Variants in CYP2J2 observed in about 807,000 individuals in gnomAD.
CYP2J2 encodes the protein cytochrome P450 2J2.
Under a neutral mutation model 48.8 loss-of-function variants are expected in CYP2J2, and 41 were observed. The ratio of observed to expected loss-of-function variants is 0.84; its 90% CI spans 0.66 to 1.09. The LOEUF is 1.09. Among genes scored for constraint, CYP2J2 ranks in the 50% least tolerant of loss-of-function variants. The pLI is 0.00. For synonymous variants in CYP2J2, 221 were observed against 227.1 expected (o/e 0.97, Z 0.24); for missense variants, 644 against 617.3 (o/e 1.04, Z -0.46).
At chr1:59,952,722 G>A in the CYP2J2 span, among the ~76,000 whole-genome samples, 1 of 152,250 alleles carries the variant, frequency 6.6e-6, no homozygotes, top group African/African-American at 2.4e-5. Context: ...TAAACTGGGA[G>A]TCATCATTTA....
At chr1:59,944,644 C>T in the CYP2J2 span, among the ~76,000 whole-genome samples, 1 of 152,162 alleles carries the variant, frequency 6.6e-6, no homozygotes. Flanking sequence ...TCTCTATTTC[C>T]TACGTACAAG....
the CYP2J2 span, among the ~76,000 whole-genome samples, chr1:59,937,822 TTTC>T: frequency 6.6e-6 from 1 of 152,052 alleles, no homozygotes; most frequent in South Asian, 2.1e-4. Flanking sequence ...TCACTAATTC[TTTC>T]TTCTGCTTGA....
chr1:59,924,575 A>C (rs1644547228), intron 1 of CYP2J2, among the ~76,000 whole-genome samples: 1 of 152,146 alleles, frequency 6.6e-6, no homozygotes, highest in Non-Finnish European at 1.5e-5. Flanking sequence ...TGAGGTAGTA[A>C]AATTTTTACA....
intron 5 of CYP2J2, among the ~76,000 whole-genome samples, chr1:59,908,892 T>C (rs1488044111): frequency 6.6e-6 from 1 of 152,204 alleles, no homozygotes; most frequent in African/African-American, 2.4e-5. Flanking sequence ...AAAGTCCAAC[T>C]CAGGCCTTAA....
intron 1 of CYP2J2, among the ~76,000 whole-genome samples, chr1:59,922,831 T>C (rs564794367): frequency 3.3e-5 from 5 of 152,332 alleles, no homozygotes; most frequent in South Asian, 2.1e-4. Context: ...ACTTCTTTGT[T>C]GTGGAGGCAA....
chr1:59,931,470 A>G (rs923898566), upstream of CYP2J2, among the ~76,000 whole-genome samples: 3 of 151,884 alleles, frequency 2.0e-5, no homozygotes, highest in Non-Finnish European at 2.9e-5. Flanking sequence ...CATTGTGTAC[A>G]TTTTTTTTAA....
At chr1:59,927,230 A>G (rs1644575060), upstream of CYP2J2, among the ~76,000 whole-genome samples, 1 of 152,220 alleles carries the variant, frequency 6.6e-6, no homozygotes, top group African/African-American at 2.4e-5. Flanking sequence ...GTGGTGAACA[A>G]ATAAATCCAC....
In CYP2J2 at chr1:59,916,104, A is replaced by G; in HGVS notation, c.211-4T>C. 1.2e-6 allele frequency: 2 copies of G among 1,606,090 alleles called. No homozygotes were observed. Among genetic ancestry groups the G allele is most frequent in the Non-Finnish European group, 1.7e-6 (2 of 1,176,158 alleles). ...GGTTCCCATATTTCTTCACAAACTG[A>G]AAAATAGTTAAATCGTAACAGTTGA... is the stretch of plus-strand genomic sequence containing the variant. On this transcript the variant is annotated splice_polypyrimidine_tract_variant and splice_region_variant and intron_variant, in intron 1 of 8. Coordinates refer to ENST00000371204, the MANE Select transcript of CYP2J2 (RefSeq NM_000775.4).
intron 8 of CYP2J2, among the ~76,000 whole-genome samples, chr1:59,899,409 A>C (rs964576677): frequency 6.6e-5 from 10 of 152,218 alleles, no homozygotes; most frequent in African/African-American, 1.7e-4. Context: ...GAGACACCTA[A>C]GGCAACACAG....
chr1:59,930,688 A>G (rs1644598482), upstream of CYP2J2, among the ~76,000 whole-genome samples: 1 of 152,238 alleles, frequency 6.6e-6, no homozygotes, highest in East Asian at 1.9e-4. Flanking sequence ...CTCCCTAAAA[A>G]AAAGTGTCAG....
chr1:59,950,172 T>C, the CYP2J2 span, among the ~76,000 whole-genome samples: 3 of 152,168 alleles, frequency 2.0e-5, no homozygotes, highest in Admixed American at 6.5e-5. Context: ...CTCCTTCCCA[T>C]ACAGTTTGGG....
At chr1:59,969,123 T>C in the CYP2J2 span, among the ~76,000 whole-genome samples, 1 of 152,150 alleles carries the variant, frequency 6.6e-6, no homozygotes, top group African/African-American at 2.4e-5. Context: ...ATAAAGGCAG[T>C]GTGGACCCAA....
intron 6 of CYP2J2, 141 bp from the exon 7 acceptor site, chr1:59,905,199 G>T: frequency 1.2e-6 from 1 of 825,984 alleles, no homozygotes; most frequent in Non-Finnish European, 1.8e-6. Context: ...TTAACCTTTT[G>T]AAAGGCTTAT....
At chr1:59,959,611 GTA>G in the CYP2J2 span, among the ~76,000 whole-genome samples, 1,710 of 151,202 alleles carry the variant, frequency 0.011, 27 homozygotes, top group African/African-American at 0.039. Context: ...TGCTATATAT[GTA>G]TATATGTGAT....
intron 2 of CYP2J2, chr1:59,913,367 C>A (rs1014693167): frequency 3.9e-5 from 6 of 152,088 alleles, no homozygotes; most frequent in African/African-American, 1.4e-4. Context: ...TGATAGTGAC[C>A]ATCTATTTCT....
intron 1 of CYP2J2, among the ~76,000 whole-genome samples, chr1:59,917,152 T>G (rs961382420): frequency 6.6e-6 from 1 of 152,246 alleles, no homozygotes; most frequent in South Asian, 2.1e-4. Flanking sequence ...AAATTATTCC[T>G]CTCTCTTAAG....
In CYP2J2 at chr1:59,926,756, G is replaced by C. The variant is rs1432689154; in HGVS notation, c.-10C>G. On this transcript the variant is annotated 5_prime_UTR_variant, in exon 1 of 9. Coordinates refer to ENST00000371204, the MANE Select transcript of CYP2J2 (RefSeq NM_000775.4). ...CCATCGCCGCGAGCATGGCTCAGAC[G>C]TCCTCCTGCTCTTCTGCGGTCCAAG... is the stretch of plus-strand genomic sequence containing the variant. 6.2e-7 allele frequency: 1 copy of C among 1,608,108 alleles called. No homozygotes were observed. Among genetic ancestry groups the C allele is most frequent in the East Asian group, 2.2e-5 (1 of 44,700 alleles).
At chr1:59,905,405 G>A (rs1159104492) in intron 6 of CYP2J2, among the ~76,000 whole-genome samples, 1 of 152,176 alleles carries the variant, frequency 6.6e-6, no homozygotes, top group Non-Finnish European at 1.5e-5. Context: ...GCAGCTCTCT[G>A]GAGTCTCTTT....
At chr1:59,923,990 T>C (rs889883375) in intron 1 of CYP2J2, among the ~76,000 whole-genome samples, 16 of 152,070 alleles carry the variant, frequency 1.1e-4, no homozygotes. Context: ...AGCACCAAGA[T>C]CTATCATAAC....
Sources: gnomAD v4.1 joint callset for allele counts (sites outside exome capture counted in the v4.1 genomes callset) on GRCh38, gnomAD v4.1.1 for gene constraint, MANE v1.5 for transcripts, NCBI Gene and HGNC (gene_info 2026-07-23, HGNC 2026-07-21) for gene names.